RASD2: variants seen among roughly 807,000 people sequenced by gnomAD.
RASD2 encodes GTP-binding protein Rhes.
RASD2 carries 7 observed loss-of-function variants against 15.8 expected under a neutral mutation model. The observed-to-expected ratio is 0.44, with a 90% confidence interval of 0.25 to 0.83. RASD2 has a LOEUF of 0.83. Among genes scored for constraint, RASD2 ranks in the 40% least tolerant of loss-of-function variants. The probability of loss-of-function intolerance (pLI) is 0.20; values close to 1 mark genes in which losing one functional copy is unlikely to be tolerated. For synonymous variants in RASD2, 155 were observed against 153.6 expected (o/e 1.01, Z -0.07); for missense variants, 274 against 382.8 (o/e 0.72, Z 2.37).
At chr22:35,538,350 A>G (rs910830667), upstream of RASD2, among the ~76,000 whole-genome samples, 1 of 151,810 alleles carries the variant, frequency 6.6e-6, no homozygotes, top group Admixed American at 6.6e-5. Context: ...CAGGGCTAAA[A>G]TGGTCACAGG....
intron 1 of RASD2, among the ~76,000 whole-genome samples, chr22:35,545,016 T>C (rs909171487): frequency 1.3e-5 from 2 of 152,218 alleles, no homozygotes; most frequent in African/African-American, 2.4e-5. Flanking sequence ...GCTCCAGGCC[T>C]GGGGTCCGCC....
At chr22:35,548,754 C>T (rs1934580161) in intron 2 of RASD2, among the ~76,000 whole-genome samples, 1 of 152,196 alleles carries the variant, frequency 6.6e-6, no homozygotes, top group Admixed American at 6.5e-5. Flanking sequence ...AGCCCTGGGT[C>T]GACCTGTGTT....
Position 35,551,427 on chromosome 22 carries a change from C to T in RASD2, c.272-76C>T. 6.8e-7 allele frequency: 1 copy of T among 1,477,106 alleles called. No individual in the cohort carries two copies. Among genetic ancestry groups the T allele is most frequent in the South Asian group, 1.3e-5 (1 of 78,276 alleles). 91.5% of individuals were successfully genotyped at this position (1,477,106 alleles called of 1,614,324 possible). A position where few individuals can be genotyped will look rare whatever the true frequency, so the allele number is the denominator to read the frequency against. On this transcript the variant is annotated intron_variant, in intron 2 of 2. Coordinates refer to ENST00000216127, the MANE Select transcript of RASD2 (RefSeq NM_014310.4). The surrounding 1 kb of genome is among the most constrained non-coding windows in gnomAD (Gnocchi z 4.9). Reference sequence around the variant, plus strand: ...CACCTGTGACTCCCAGCTCTTAGGGCTGATGTTCTGTGGCCAGAGGAGGGC... The same window carrying T: ...CACCTGTGACTCCCAGCTCTTAGGGTTGATGTTCTGTGGCCAGAGGAGGGC...
upstream of RASD2, among the ~76,000 whole-genome samples, chr22:35,536,932 G>A (rs151087041): frequency 2.1e-3 from 319 of 152,316 alleles, 1 homozygote; most frequent in African/African-American, 7.0e-3. Context: ...GCTTTAAACC[G>A]TATGGTGATG....
chr22:35,533,219 G>C, the RASD2 span, among the ~76,000 whole-genome samples: 1 of 152,220 alleles, frequency 6.6e-6, no homozygotes, highest in Non-Finnish European at 1.5e-5. Flanking sequence ...AACCTTTGCT[G>C]CTTCAGCTTC....
chr22:35,536,719 C>T (rs906184395), upstream of RASD2, among the ~76,000 whole-genome samples: 7 of 152,200 alleles, frequency 4.6e-5, no homozygotes, highest in Admixed American at 4.6e-4. Context: ...CAAACTTTGG[C>T]TTGCATCAGA....
At position 35,540,895 on chromosome 22, in the gene RASD2, G is replaced by C. The variant is rs1354265984; in HGVS notation, c.-615G>C. The C allele has an allele frequency of 6.6e-6, 1 of 152,594 alleles. No homozygotes were observed. Among genetic ancestry groups the C allele is most frequent in the Non-Finnish European group, 1.5e-5 (1 of 68,412 alleles). The allele number at this position is 152,594 out of a possible 1,614,324, so 9.5% of individuals were successfully genotyped here. ...GCGGGGAGAAAGAAGCCGTCCCTCCGGCGCTGGGAGAGCTGCAGAGCCGCG... is the reference window on the plus strand; with the variant it reads ...GCGGGGAGAAAGAAGCCGTCCCTCCCGCGCTGGGAGAGCTGCAGAGCCGCG... On this transcript the variant is annotated 5_prime_UTR_variant, in exon 1 of 3. Transcript: ENST00000216127.
At chr22:35,534,946 G>A in the RASD2 span, among the ~76,000 whole-genome samples, 1 of 152,142 alleles carries the variant, frequency 6.6e-6, no homozygotes, top group Non-Finnish European at 1.5e-5. Flanking sequence ...CATTCTTGTT[G>A]GACAGAGGAA....
upstream of RASD2, among the ~76,000 whole-genome samples, chr22:35,537,412 A>G (rs1184006297): frequency 6.6e-6 from 1 of 152,236 alleles, no homozygotes; most frequent in Non-Finnish European, 1.5e-5. Flanking sequence ...CTCACATGCT[A>G]ATGGGGGTGA....
At chr22:35,534,098 A>T in the RASD2 span, among the ~76,000 whole-genome samples, 1 of 152,230 alleles carries the variant, frequency 6.6e-6, no homozygotes. Context: ...AGATCAAAGG[A>T]TAGTTGTTCA....
rs1934656276 is a variant in RASD2 at position 35,551,236 on chromosome 22, T to A, written c.272-267T>A. On this transcript the variant is annotated intron_variant, in intron 2 of 2. Coordinates refer to ENST00000216127, the MANE Select transcript of RASD2 (RefSeq NM_014310.4). This position sits in a 1 kb window ranked among gnomAD's most constrained non-coding sequence, Gnocchi z 4.9. ...GAAATGTGAAGTGAGTTAACTGTAT[T>A]TGAACCAAGTGGTCCACGTGTTAGC... Among the ~76,000 whole-genome samples, 2 of 152,300 alleles carry A rather than the reference T, an allele frequency of 1.3e-5. No homozygotes were observed. The highest frequency in any genetic ancestry group is 4.1e-4 in the South Asian group (2 of 4,824).
Position 35,551,186 on chromosome 22 carries a change from ACCTACCCCT to A in RASD2, c.272-315_272-307del, listed in dbSNP as rs1934655002. 6.6e-6 allele frequency among the ~76,000 whole-genome samples: 1 copy of A among 152,124 alleles called. No homozygotes were observed. The highest frequency in any genetic ancestry group is 1.9e-4 in the East Asian group (1 of 5,190). ...TATCTGAACACAGTCCACACAAGTG[ACCTACCCCT>A]CTCCAGCCCTGCAAAGAAATGTGAA... On this transcript the variant is annotated intron_variant, in intron 2 of 2. Coordinates refer to ENST00000216127, the MANE Select transcript of RASD2 (RefSeq NM_014310.4). This position sits in a 1 kb window ranked among gnomAD's most constrained non-coding sequence, Gnocchi z 4.9.
At chr22:35,549,095 C>T (rs9306302) in intron 2 of RASD2, among the ~76,000 whole-genome samples, 24,538 of 152,274 alleles carry the variant, frequency 0.16, 2,047 homozygotes, top group South Asian at 0.19. Context: ...AACACACCCT[C>T]CTGCAAACGC....
the RASD2 span, among the ~76,000 whole-genome samples, chr22:35,535,097 A>G: frequency 6.6e-6 from 1 of 152,186 alleles, no homozygotes; most frequent in African/African-American, 2.4e-5. Context: ...GATTCTGGAC[A>G]TCAAGAGTTT....
Position 35,552,149 on chromosome 22 carries a change from A to G in RASD2, c.*117A>G. 3 of 1,353,742 alleles carry G rather than the reference A, an allele frequency of 2.2e-6. No homozygotes were observed. Among genetic ancestry groups the G allele is most frequent in the Non-Finnish European group, 3.0e-6 (3 of 1,013,748 alleles). The allele number at this position is 1,353,742 out of a possible 1,614,324, so 83.9% of individuals were successfully genotyped here. ...GCAGTCTTGTTCACAGACCTTAGGC[A>G]CCAGACTGGAGGCCCCCGGGCGCTG... On this transcript the variant is annotated 3_prime_UTR_variant, in exon 3 of 3. Coordinates refer to ENST00000216127, the MANE Select transcript of RASD2 (RefSeq NM_014310.4).
At chr22:35,545,333 G>A (rs1202996137) in intron 1 of RASD2, among the ~76,000 whole-genome samples, 2 of 152,188 alleles carry the variant, frequency 1.3e-5, no homozygotes, top group African/African-American at 2.4e-5. Context: ...GTCAATGGGC[G>A]AGGCACTCAA....
upstream of RASD2, among the ~76,000 whole-genome samples, chr22:35,536,289 G>A (rs991396117): frequency 6.6e-6 from 1 of 152,006 alleles, no homozygotes; most frequent in East Asian, 1.9e-4. Context: ...AGCCTGTCAT[G>A]AGCATGTGTT....
In RASD2 at chr22:35,552,129, C is replaced by T; in HGVS notation, c.*97C>T. On this transcript the variant is annotated 3_prime_UTR_variant, in exon 3 of 3. Coordinates refer to ENST00000216127, the MANE Select transcript of RASD2 (RefSeq NM_014310.4). ...TCCCCACCGAGGCCCCGGCAGCAGT[C>T]TTGTTCACAGACCTTAGGCACCAGA... The T allele has an allele frequency of 6.9e-7, 1 of 1,443,220 alleles. No individual in the cohort carries two copies. The highest frequency in any genetic ancestry group is 9.3e-7 in the Non-Finnish European group (1 of 1,080,110). 89.4% of individuals were successfully genotyped at this position (1,443,220 alleles called of 1,614,324 possible). A position where few individuals can be genotyped will look rare whatever the true frequency, so the allele number is the denominator to read the frequency against.
intron 2 of RASD2, among the ~76,000 whole-genome samples, chr22:35,547,495 A>G (rs999122510): frequency 2.5e-4 from 38 of 152,364 alleles, no homozygotes; most frequent in Admixed American, 1.8e-3. Context: ...CTAGAGAGGT[A>G]AGGGCAGGAC....
Sources: allele counts gnomAD v4.1 joint callset (sites outside exome capture counted in the v4.1 genomes callset), GRCh38; gene constraint gnomAD v4.1.1; non-coding constraint Gnocchi (gnomAD v3.1); transcripts MANE v1.5; gene names NCBI Gene and HGNC (gene_info 2026-07-23, HGNC 2026-07-21).